Variants in ADAMTS17 observed in about 807,000 individuals in gnomAD.
ADAMTS17 encodes ADAM metallopeptidase with thrombospondin type 1 motif 17.
A neutral mutation model predicts 141.5 loss-of-function variants in ADAMTS17; 113 were observed. That is an observed-to-expected ratio of 0.80 (90% CI 0.69 to 0.93). The LOEUF (loss-of-function observed/expected upper bound fraction) is 0.93. Among genes scored for constraint, ADAMTS17 ranks in the 40% least tolerant of loss-of-function variants. The pLI is 0.00. For synonymous variants in ADAMTS17, 768 were observed against 630.6 expected (o/e 1.22, Z -3.27); for missense variants, 1,659 against 1,517.9 (o/e 1.09, Z -1.54).
intron 20 of ADAMTS17, among the ~76,000 whole-genome samples, chr15:99,977,270 T>C (rs1340751304): frequency 2.0e-5 from 3 of 147,232 alleles, no homozygotes; most frequent in African/African-American, 5.1e-5. Flanking sequence ...CTGGTCAACA[T>C]AGTTGAGCAG....
chr15:100,055,151 T>G (rs916010602), intron 15 of ADAMTS17, among the ~76,000 whole-genome samples: 11 of 152,140 alleles, frequency 7.2e-5, no homozygotes, highest in Admixed American at 6.5e-4. Context: ...TACACACAAC[T>G]GGAGCCCCAA....
chr15:100,155,135 G>C (rs752294769), intron 9 of ADAMTS17, 45 bp downstream of exon 9: 10 of 1,613,682 alleles, frequency 6.2e-6, no homozygotes, highest in Middle Eastern at 3.3e-4. Flanking sequence ...TCTTTTGGAA[G>C]TACTTTTGAT....
intron 6 of ADAMTS17, among the ~76,000 whole-genome samples, chr15:100,260,376 G>C (rs1436476841): frequency 6.6e-6 from 1 of 152,034 alleles, no homozygotes; most frequent in East Asian, 1.9e-4. Flanking sequence ...CATTTTGGGA[G>C]GCCAAGGCGG....
intron 15 of ADAMTS17, among the ~76,000 whole-genome samples, chr15:100,095,157 C>G (rs758834049): frequency 6.6e-6 from 1 of 152,216 alleles, no homozygotes; most frequent in Non-Finnish European, 1.5e-5. Context: ...CTGCTCCTGC[C>G]TCTCCTTTCT....
rs552150933 is a variant in ADAMTS17 at position 100,105,392 on chromosome 15, A to T, written c.2016+3597T>A. 5.9e-5 allele frequency among the ~76,000 whole-genome samples: 9 copies of T among 152,302 alleles called. No homozygotes were observed. In the South Asian group the frequency reaches 1.9e-3, roughly 32 times the overall value. ...GTGCAGGCACCAACCAATCCCTGCA[A>T]TGATGATGACAATGGTGGAGGCACT... On this transcript the variant is annotated intron_variant, in intron 14 of 21. Transcript: ENST00000268070.
chr15:100,042,774 G>C (rs988821833), intron 18 of ADAMTS17, among the ~76,000 whole-genome samples: 1 of 152,162 alleles, frequency 6.6e-6, no homozygotes, highest in Non-Finnish European at 1.5e-5. Flanking sequence ...GAGCGGGATG[G>C]TGTGAGATTT....
At chr15:100,072,780 G>C (rs1014285702) in intron 15 of ADAMTS17, among the ~76,000 whole-genome samples, 47 of 152,108 alleles carry the variant, frequency 3.1e-4, no homozygotes, top group Non-Finnish European at 5.1e-4. Context: ...AGACTTAAAT[G>C]TTAGATCTAA....
intron 15 of ADAMTS17, among the ~76,000 whole-genome samples, chr15:100,074,798 G>A (rs1596354340): frequency 6.6e-6 from 1 of 152,158 alleles, no homozygotes; most frequent in African/African-American, 2.4e-5. Context: ...AGGCACGATT[G>A]GGAAATTTTT....
intron 7 of ADAMTS17, among the ~76,000 whole-genome samples, chr15:100,240,618 C>G (rs547043746): frequency 6.6e-6 from 1 of 152,284 alleles, no homozygotes; most frequent in Non-Finnish European, 1.5e-5. Flanking sequence ...AAGTAATGAG[C>G]CTTCATCTTC....
rs145074125 is a variant in ADAMTS17 at position 100,289,262 on chromosome 15, G to C, written c.617-7861C>G. Among the ~76,000 whole-genome samples the C allele has an allele frequency of 3.7e-3, 562 of 152,188 alleles. 5 individuals are homozygous for C. Among genetic ancestry groups the C allele is most frequent in the Non-Finnish European group, 5.9e-3 (401 of 68,006 alleles). The stretch of plus-strand genomic sequence containing the variant: ...CCTGGAAGAAACTGATGAATTCCTG[G>C]AAACATCCATTCTCCCAAAATTGAA... On this transcript the variant is annotated intron_variant, in intron 3 of 21. Coordinates refer to ENST00000268070, the MANE Select transcript of ADAMTS17 (RefSeq NM_139057.4).
chr15:100,167,174 T>C (rs7498059), intron 8 of ADAMTS17, among the ~76,000 whole-genome samples: 3,190 of 152,316 alleles, frequency 0.021, 132 homozygotes, highest in East Asian at 0.18. Flanking sequence ...AGTGAGAACC[T>C]GATTGGCTAA....
At chr15:100,179,920 T>C (rs2040467894) in intron 8 of ADAMTS17, among the ~76,000 whole-genome samples, 1 of 152,236 alleles carries the variant, frequency 6.6e-6, no homozygotes, top group Non-Finnish European at 1.5e-5. Context: ...TGTATTCTGG[T>C]TATTAATCTC....
intron 14 of ADAMTS17, among the ~76,000 whole-genome samples, chr15:100,107,959 C>A (rs780928584): frequency 1.3e-5 from 2 of 152,100 alleles, no homozygotes; most frequent in African/African-American, 2.4e-5. Context: ...AAGCGAGGCA[C>A]AGAAAATACA....
chr15:100,329,596 T>C (rs2045989992), intron 3 of ADAMTS17, among the ~76,000 whole-genome samples: 1 of 151,994 alleles, frequency 6.6e-6, no homozygotes, highest in African/African-American at 2.4e-5. Flanking sequence ...AGACCCTGTT[T>C]CCTATTAAAA....
At chr15:100,223,642 G>A (rs1259892071) in intron 7 of ADAMTS17, among the ~76,000 whole-genome samples, 1 of 151,594 alleles carries the variant, frequency 6.6e-6, no homozygotes, top group African/African-American at 2.4e-5. Flanking sequence ...TTCTTAGAGA[G>A]ATAGAACTTC....
intron 7 of ADAMTS17, among the ~76,000 whole-genome samples, chr15:100,200,057 C>T (rs1353037246): frequency 6.6e-6 from 1 of 152,218 alleles, no homozygotes; most frequent in Admixed American, 6.5e-5. Flanking sequence ...GGAAGCGGAG[C>T]CAGCGCTGGG....
At chr15:100,025,273 C>G (rs1008738892) in intron 18 of ADAMTS17, among the ~76,000 whole-genome samples, 3 of 152,142 alleles carry the variant, frequency 2.0e-5, no homozygotes, top group Non-Finnish European at 4.4e-5. Context: ...TACCTCTGCT[C>G]TCTTACTGTT....
intron 10 of ADAMTS17, among the ~76,000 whole-genome samples, chr15:100,140,311 A>G (rs1224552669): frequency 2.0e-5 from 3 of 152,094 alleles, no homozygotes; most frequent in East Asian, 3.9e-4. Flanking sequence ...AGATGTTAAC[A>G]TAACAGGAAG....
chr15:100,103,293 A>C (rs548035468), intron 14 of ADAMTS17, among the ~76,000 whole-genome samples: 18 of 152,366 alleles, frequency 1.2e-4, no homozygotes, highest in African/African-American at 4.3e-4. Flanking sequence ...AGGGAAGGGC[A>C]GCATGTGGGG....
Sources: gnomAD v4.1 joint callset for allele counts (sites outside exome capture counted in the v4.1 genomes callset) on GRCh38, gnomAD v4.1.1 for gene constraint, MANE v1.5 for transcripts, NCBI Gene and HGNC (gene_info 2026-07-23, HGNC 2026-07-21) for gene names.